PTPRQ: variants seen among roughly 807,000 people sequenced by gnomAD.
The protein encoded by PTPRQ is protein tyrosine phosphatase receptor type Q.
Under a neutral mutation model 246.0 loss-of-function variants are expected in PTPRQ, and 199 were observed. The observed-to-expected ratio is 0.81, with a 90% confidence interval of 0.72 to 0.91. PTPRQ has a LOEUF of 0.91. Ranked by LOEUF, PTPRQ falls within the 40% of genes least tolerant of loss-of-function variation. PTPRQ has a pLI of 0.00. For synonymous variants in PTPRQ, 869 were observed against 853.2 expected (o/e 1.02, Z -0.32); for missense variants, 2,624 against 2,528.4 (o/e 1.04, Z -0.81).
intron 9 of PTPRQ, among the ~76,000 whole-genome samples, chr12:80,490,252 A>G (rs1894404569): frequency 6.6e-6 from 1 of 152,038 alleles, no homozygotes; most frequent in South Asian, 2.1e-4. Context: ...TTTAGTCTAC[A>G]TTAAAATATA....
At chr12:80,486,077 T>A (rs2120617717) in intron 9 of PTPRQ, among the ~76,000 whole-genome samples, 1 of 152,280 alleles carries the variant, frequency 6.6e-6, no homozygotes, top group Middle Eastern at 3.4e-3. Flanking sequence ...CCTGGAAAAG[T>A]TGGCCTGAGC....
At chr12:80,569,890 T>C (rs1897094089) in intron 25 of PTPRQ, among the ~76,000 whole-genome samples, 1 of 152,178 alleles carries the variant, frequency 6.6e-6, no homozygotes, top group Admixed American at 6.5e-5. Context: ...GCTTCATCCA[T>C]GTCCCTGCAA....
At chr12:80,611,605 T>C (rs771699465) in intron 28 of PTPRQ, among the ~76,000 whole-genome samples, 2 of 150,378 alleles carry the variant, frequency 1.3e-5, no homozygotes, top group Non-Finnish European at 3.0e-5. Context: ...CTCACATTTA[T>C]ACCATAAAGC....
In PTPRQ at chr12:80,473,012, T is replaced by G. The variant is rs1592550397; in HGVS notation, c.1186+761T>G. ...CATACAGTAACTTATAAATGAAATG[T>G]AGACATGTATACACACACACACACT... On this transcript the variant is annotated intron_variant, in intron 8 of 44. Transcript: ENST00000644991. 2.1e-5 allele frequency among the ~76,000 whole-genome samples: 3 copies of G among 145,460 alleles called. No homozygotes were observed. The East Asian group carries it at 6.0e-4, about 29-fold the overall frequency.
Position 80,495,336 on chromosome 12 carries a change from A to G in PTPRQ, c.1847A>G (p.Gln616Arg), listed in dbSNP as rs527967292. 8.9e-5 allele frequency: 137 copies of G among 1,531,010 alleles called. 1 individual carries two copies. The Middle Eastern group carries it at 1.5e-3, about 17-fold the overall frequency. 94.8% of individuals were successfully genotyped at this position (1,531,010 alleles called of 1,614,324 possible). ...AMELDTNRAFQITTIDNSFLI... is the reference protein window; with the variant it reads ...AMELDTNRAFRITTIDNSFLI... ...GAATTGGATACAAACAGAGCATTCC[A>G]GATAACTACCATAGATAACAGCTTT... Residue 616 changes from glutamine (Q) to arginine (R), a missense_variant, in exon 12 of 45, where the codon CAG becomes CGG. Transcript: ENST00000644991.
chr12:80,557,187 T>G (rs1896670183), intron 25 of PTPRQ, among the ~76,000 whole-genome samples: 1 of 152,108 alleles, frequency 6.6e-6, no homozygotes, highest in South Asian at 2.1e-4. Flanking sequence ...ATAAAGCCCT[T>G]CTTCTCAATC....
chr12:80,491,839 C>G (rs1380406710), intron 9 of PTPRQ, among the ~76,000 whole-genome samples: 1 of 151,648 alleles, frequency 6.6e-6, no homozygotes, highest in African/African-American at 2.4e-5. Context: ...GTTTTTGGCT[C>G]TCTGAGTGAA....
At chr12:80,482,153 C>A (rs1352299446) in intron 8 of PTPRQ, among the ~76,000 whole-genome samples, 16 of 151,850 alleles carry the variant, frequency 1.1e-4, no homozygotes, top group Non-Finnish European at 2.4e-4. Flanking sequence ...ACCAAAACAG[C>A]ATGGTACTGG....
At chr12:80,473,051 A>T (rs201141360) in intron 8 of PTPRQ, among the ~76,000 whole-genome samples, 1 of 135,968 alleles carries the variant, frequency 7.4e-6, no homozygotes, top group Non-Finnish European at 1.6e-5. Context: ...ACACACGCAC[A>T]CACACACACA....
Position 80,460,839 on chromosome 12 carries a change from G to A in PTPRQ, c.847G>A (p.Val283Ile), listed in dbSNP as rs1271343493. ...LRPYTTYLFE[V>I]SAATTEAGYI... ...ACCTTATACAACATATCTTTTTGAA[G>A]TTTCAGCTGCTACAACTGAAGCAGG... Residue 283 changes from valine (V) to isoleucine (I), a missense_variant, in exon 6 of 45, where the codon GTT becomes ATT. Transcript: ENST00000644991. The A allele has an allele frequency of 7.5e-6, 3 of 400,574 alleles. No homozygotes were observed. Among genetic ancestry groups the A allele is most frequent in the Non-Finnish European group, 1.3e-5 (3 of 226,232 alleles). 24.8% of individuals were successfully genotyped at this position (400,574 alleles called of 1,614,324 possible).
chr12:80,622,163 T>C, intron 33 of PTPRQ, 29 bp downstream of exon 33: 1 of 1,353,020 alleles, frequency 7.4e-7, no homozygotes, highest in South Asian at 1.8e-5. Flanking sequence ...TCATTTATAA[T>C]CTCAACATAT....
intron 6 of PTPRQ, 80 bp from the exon 7 acceptor site, chr12:80,468,630 G>T (rs776523627): frequency 2.0e-5 from 25 of 1,269,886 alleles, no homozygotes; most frequent in Non-Finnish European, 2.4e-5. Context: ...CTTTGCCTTT[G>T]TGTTTTATTA....
chr12:80,493,071 A>G (rs918711555), intron 9 of PTPRQ, among the ~76,000 whole-genome samples: 9 of 152,012 alleles, frequency 5.9e-5, no homozygotes, highest in South Asian at 4.1e-4. Flanking sequence ...AGGAAATACA[A>G]TGATCACAAT....
At chr12:80,558,312 C>T (rs1005258556) in intron 25 of PTPRQ, among the ~76,000 whole-genome samples, 1 of 151,642 alleles carries the variant, frequency 6.6e-6, no homozygotes, top group Non-Finnish European at 1.5e-5. Flanking sequence ...GGACTACAGG[C>T]GCATGCCACT....
chr12:80,537,992 C>T (rs1347014848), intron 19 of PTPRQ, among the ~76,000 whole-genome samples: 1 of 151,984 alleles, frequency 6.6e-6, no homozygotes, highest in Non-Finnish European at 1.5e-5. Context: ...TCCTGTAGTC[C>T]CAGGTACTCA....
At chr12:80,510,203 A>T in intron 16 of PTPRQ, 120 bp from the exon 17 acceptor site, 1 of 1,043,258 alleles carries the variant, frequency 9.6e-7, no homozygotes, top group Non-Finnish European at 1.3e-6. Flanking sequence ...CTTCTGGAGA[A>T]AAGCACTGAA....
chr12:80,569,065 T>C (rs1213539179), intron 25 of PTPRQ, among the ~76,000 whole-genome samples: 1 of 151,950 alleles, frequency 6.6e-6, no homozygotes, highest in South Asian at 2.1e-4. Context: ...TGCATTTTTC[T>C]CCTGAATTGT....
chr12:80,448,999 A>G (rs1892648154), intron 3 of PTPRQ, among the ~76,000 whole-genome samples: 1 of 151,594 alleles, frequency 6.6e-6, no homozygotes, highest in South Asian at 2.1e-4. Flanking sequence ...CAACAGTGTA[A>G]AAGTGTTCCT....
At chr12:80,644,368 C>A (rs1330870526) in intron 35 of PTPRQ, among the ~76,000 whole-genome samples, 2 of 152,020 alleles carry the variant, frequency 1.3e-5, no homozygotes, top group African/African-American at 4.8e-5. Context: ...TGGACAGTTC[C>A]CAAATTGATT....
Sources: allele counts gnomAD v4.1 joint callset (sites outside exome capture counted in the v4.1 genomes callset), GRCh38; gene constraint gnomAD v4.1.1; transcripts MANE v1.5; gene names NCBI Gene and HGNC (gene_info 2026-07-23, HGNC 2026-07-21).